Variants in ESCO1 observed in about 807,000 individuals in gnomAD.
ESCO1 encodes N-acetyltransferase ESCO1.
ESCO1 carries 33 observed loss-of-function variants against 83.5 expected under a neutral mutation model. The ratio of observed to expected loss-of-function variants is 0.40; its 90% CI spans 0.30 to 0.53. The LOEUF (loss-of-function observed/expected upper bound fraction) is 0.53. ESCO1 is among the 20% of genes least tolerant of loss of function. The pLI is 0.63. For synonymous variants in ESCO1, 332 were observed against 324.3 expected (o/e 1.02, Z -0.25); for missense variants, 855 against 968.0 (o/e 0.88, Z 1.55).
chr18:21,590,582 C>CTTTAATTGAATTTGTATTTCAAT (rs928910417), intron 1 of ESCO1, among the ~76,000 whole-genome samples: 2 of 152,008 alleles, frequency 1.3e-5, no homozygotes, highest in African/African-American at 2.4e-5. Flanking sequence ...ACAAATTTTA[C>CTTTAATTGAATTTGTATTTCAAT]TTTAATTGAA....
At chr18:21,577,659 CAAAA>C (rs60796995) in intron 2 of ESCO1, among the ~76,000 whole-genome samples, 9 of 69,208 alleles carry the variant, frequency 1.3e-4, no homozygotes, top group South Asian at 4.9e-4. Context: ...GACTCCGTCT[CAAAA>C]AAAAAAAAAA....
chr18:21,537,941 T>A lies in ESCO1; in HGVS notation c.2044-1756A>T, dbSNP rs2037856872. ...TTTTTTCAATAAACATATTGGAAAATTTTTTTGGGAATTGTGACAATATGA... is the reference window on the plus strand; with the variant it reads ...TTTTTTCAATAAACATATTGGAAAAATTTTTTGGGAATTGTGACAATATGA... On this transcript the variant is annotated intron_variant, in intron 9 of 11. Coordinates refer to ENST00000269214, the MANE Select transcript of ESCO1 (RefSeq NM_052911.3). Among the ~76,000 whole-genome samples the A allele has an allele frequency of 2.0e-5, 3 of 151,922 alleles. No homozygotes were observed. In the South Asian group the frequency reaches 6.2e-4, roughly 32 times the overall value.
In ESCO1 at chr18:21,540,609, C is replaced by T. The variant is rs760527351; in HGVS notation, c.1954-600G>A. On this transcript the variant is annotated intron_variant, in intron 8 of 11. Coordinates refer to ENST00000269214, the MANE Select transcript of ESCO1 (RefSeq NM_052911.3). ...GAATCTAATAGGGAAGGAGAAGCTA[C>T]GTTGTGTGTATCTGAAGTTAAACAT... is the stretch of plus-strand genomic sequence containing the variant. The T allele has an allele frequency of 1.9e-5, 26 of 1,338,426 alleles. No homozygotes were observed. The Admixed American group carries it at 3.2e-4, about 16-fold the overall frequency. The allele number at this position is 1,338,426 out of a possible 1,614,324, so 82.9% of individuals were successfully genotyped here.
chr18:21,574,777 T>C lies in ESCO1; in HGVS notation c.67A>G (p.Asn23Asp). The change falls in exon 4 of 12, where the codon AAT (asparagine) becomes GAT (aspartate). Residue 23 changes from asparagine (N) to aspartate (D), a missense_variant. This residue lies in a region of ESCO1 where 726 missense variants were observed against 699.5 expected (regional missense o/e 1.04). Coordinates refer to ENST00000269214, the MANE Select transcript of ESCO1 (RefSeq NM_052911.3). ...SKVTKKSDDKNSETEIQDSQK... is the reference protein window; with the variant it reads ...SKVTKKSDDKDSETEIQDSQK... ...GAATCCTGAATTTCTGTTTCTGAAT[T>C]CTTATCGTCACTTTTTTTAGTAACT... The C allele has an allele frequency of 6.2e-7, 1 of 1,604,416 alleles. No individual in the cohort carries two copies. The highest frequency in any genetic ancestry group is 2.2e-5 in the East Asian group (1 of 44,858).
Position 21,597,713 on chromosome 18 carries a change from T to A in ESCO1, c.-825+2910A>T, listed in dbSNP as rs1054575450. ...AAGTTTGAGAACCACTACATTAAAG[T>A]AATACTTAATACCACCTTTTAATTT... On this transcript the variant is annotated intron_variant, in intron 1 of 11. Coordinates refer to ENST00000269214, the MANE Select transcript of ESCO1 (RefSeq NM_052911.3). Among the ~76,000 whole-genome samples the A allele has an allele frequency of 4.6e-5, 7 of 152,266 alleles. No homozygotes were observed. In the East Asian group the frequency reaches 1.4e-3, roughly 29 times the overall value.
chr18:21,594,882 T>G (rs1055294817), intron 1 of ESCO1, among the ~76,000 whole-genome samples: 1 of 151,724 alleles, frequency 6.6e-6, no homozygotes, highest in Admixed American at 6.6e-5. Context: ...TTTGTTTAAT[T>G]TAACAACTCG....
At position 21,555,597 on chromosome 18, in the gene ESCO1, A is replaced by G. The variant is rs118017118; in HGVS notation, c.1953+5262T>C. Reference sequence around the variant, plus strand: ...GCCAGGCATGGTGGCTTACACCCATAAAGTCAGCACCCTGGGCAACAAAAC... The same window carrying G: ...GCCAGGCATGGTGGCTTACACCCATGAAGTCAGCACCCTGGGCAACAAAAC... On this transcript the variant is annotated intron_variant, in intron 8 of 11. Coordinates refer to ENST00000269214, the MANE Select transcript of ESCO1 (RefSeq NM_052911.3). Among the ~76,000 whole-genome samples, 33 of 151,770 alleles carry G rather than the reference A, an allele frequency of 2.2e-4. No individual in the cohort carries two copies. In the East Asian group the frequency reaches 5.9e-3, roughly 27 times the overall value.
chr18:21,591,266 G>C (rs1041197364), intron 1 of ESCO1, among the ~76,000 whole-genome samples: 1 of 152,164 alleles, frequency 6.6e-6, no homozygotes, highest in Non-Finnish European at 1.5e-5. Context: ...GAAAATGATG[G>C]CAGAGATTGG....
intron 1 of ESCO1, among the ~76,000 whole-genome samples, chr18:21,590,620 TATTTA>T (rs911145551): frequency 4.8e-4 from 73 of 152,298 alleles, no homozygotes; most frequent in Middle Eastern, 6.8e-3. Context: ...ATTGAATTTG[TATTTA>T]ATTTAAATTT....
intron 1 of ESCO1, chr18:21,593,473 G>C (rs1017308701): frequency 2.0e-5 from 3 of 152,558 alleles, no homozygotes; most frequent in African/African-American, 7.3e-5. Flanking sequence ...GCCTGCAATC[G>C]CAGGCACTCG....
At chr18:21,559,466 C>T (rs539817491) in intron 8 of ESCO1, among the ~76,000 whole-genome samples, 1 of 152,164 alleles carries the variant, frequency 6.6e-6, no homozygotes, top group Admixed American at 6.6e-5. Context: ...GATTTATTTA[C>T]TTTTCCTCTC....
Position 21,573,753 on chromosome 18 carries a change from C to T in ESCO1, c.1091G>A (p.Arg364His), listed in dbSNP as rs1319826960. 19 of 1,614,024 alleles carry T rather than the reference C, an allele frequency of 1.2e-5. No homozygotes were observed. The highest frequency in any genetic ancestry group is 8.8e-5 in the South Asian group (8 of 91,090). Residue 364 changes from arginine (R) to histidine (H), a missense_variant, in exon 4 of 12, where the codon CGT becomes CAT. Physicochemically the swap from Arg to His is conservative, Grantham distance 29. Around this residue, in one of 2 missense-constraint regions of ESCO1, gnomAD observed 726 missense variants for 699.5 expected, o/e 1.04. Coordinates refer to ENST00000269214, the MANE Select transcript of ESCO1 (RefSeq NM_052911.3). ...KETNQDVQCN[R>H]FFPSRKTKPV... ...CTTTGTTTTTCTACTTGGGAAAAAA[C>T]GATTACATTGCACATCCTGATTTGT...
intron 8 of ESCO1, among the ~76,000 whole-genome samples, chr18:21,545,824 G>T (rs188689819): frequency 6.6e-5 from 10 of 152,218 alleles, no homozygotes; most frequent in African/African-American, 2.4e-4. Flanking sequence ...AGCTACTCGG[G>T]GGGGCTGAGG....
rs769921664 is a variant in ESCO1, at chr18:21,574,569, C to G, written c.275G>C (p.Gly92Ala). 6.2e-7 allele frequency: 1 copy of G among 1,613,926 alleles called. No homozygotes were observed. The highest frequency in any genetic ancestry group is 1.1e-5 in the South Asian group (1 of 91,062). ...CTTTTTTGTAGATTCTTGTGAATAT[C>G]CCCTCACAGTCACCGTATTTTTATT... ...SINKNTVTVR[G>A]YSQESTKKKL... Residue 92 changes from glycine (G) to alanine (A), a missense_variant, in exon 4 of 12, where the codon GGA (glycine) becomes GCA (alanine). Physicochemically the swap from Gly to Ala is moderately conservative, Grantham distance 60. Transcript: ENST00000269214.
chr18:21,568,731 C>T (rs2146205878), intron 4 of ESCO1, among the ~76,000 whole-genome samples: 1 of 152,032 alleles, frequency 6.6e-6, no homozygotes, highest in South Asian at 2.1e-4. Context: ...AGTGAAACCT[C>T]GTCTCTACTA....
chr18:21,599,742 C>G (rs1006036950), intron 1 of ESCO1, among the ~76,000 whole-genome samples: 30 of 152,220 alleles, frequency 2.0e-4, no homozygotes, highest in African/African-American at 7.0e-4. Flanking sequence ...CCGCTGCGTC[C>G]CCATCGCCCC....
intron 8 of ESCO1, among the ~76,000 whole-genome samples, chr18:21,557,991 T>G (rs547218529): frequency 2.0e-5 from 3 of 151,722 alleles, no homozygotes; most frequent in Non-Finnish European, 4.4e-5. Flanking sequence ...GGGTTTTTTT[T>G]TTTTTTGAAA....
In ESCO1 at chr18:21,544,450, TACAAAAAAAAA is replaced by T. The variant is rs377083090; in HGVS notation, c.1954-4452_1954-4442del. Among the ~76,000 whole-genome samples the T allele has an allele frequency of 6.1e-3, 834 of 137,224 alleles. 5 individuals carry two copies. The highest frequency in any genetic ancestry group is 0.02 in the African/African-American group (722 of 36,610). The allele number at this position is 137,224 out of a possible 152,430, so 90.0% of individuals were successfully genotyped here. Reference sequence around the variant, plus strand: ...GGTGAAACCTCGTTTCTACTAAAAATACAAAAAAAAAACAAAAAAAAAACAAAAACTAGACA... The same window carrying T: ...GGTGAAACCTCGTTTCTACTAAAAATACAAAAAAAAAACAAAAACTAGACA... On this transcript the variant is annotated intron_variant, in intron 8 of 11. Transcript: ENST00000269214.
intron 5 of ESCO1, 63 bp downstream of exon 5, chr18:21,567,917 T>C: frequency 7.9e-7 from 1 of 1,269,398 alleles, no homozygotes; most frequent in South Asian, 1.3e-5. Flanking sequence ...TAACATTTTC[T>C]GTAATACTGA....
Sources: gnomAD v4.1 joint callset for allele counts (sites outside exome capture counted in the v4.1 genomes callset) on GRCh38, gnomAD v4.1.1 for gene constraint, gnomAD v4.1.1 regional missense constraint, MANE v1.5 for transcripts, NCBI Gene and HGNC (gene_info 2026-07-23, HGNC 2026-07-21) for gene names.